HK1: variants seen among roughly 807,000 people sequenced by gnomAD.
HK1 encodes hexokinase 1.
Under a neutral mutation model 91.6 loss-of-function variants are expected in HK1, and 28 were observed. The ratio of observed to expected loss-of-function variants is 0.31; its 90% CI spans 0.23 to 0.42. HK1 has a LOEUF of 0.42. HK1 is among the 10% of genes least tolerant of loss of function. The pLI is 1.00. For synonymous variants in HK1, 430 were observed against 468.1 expected (o/e 0.92, Z 1.05); for missense variants, 770 against 1,219.8 (o/e 0.63, Z 5.49).
chr10:69,293,998 A>G (rs1845425463), intron 3 of HK1, among the ~76,000 whole-genome samples: 1 of 150,744 alleles, frequency 6.6e-6, no homozygotes, highest in Non-Finnish European at 1.5e-5. Context: ...AGTAGCTGGG[A>G]CTACAGGCGC....
At chr10:69,342,889 G>A (rs1047990530) in intron 1 of HK1, among the ~76,000 whole-genome samples, 6 of 152,298 alleles carry the variant, frequency 3.9e-5, no homozygotes, top group South Asian at 4.1e-4. Flanking sequence ...GAATAAATGC[G>A]AAGATGCCAT....
intron 13 of HK1, among the ~76,000 whole-genome samples, chr10:69,387,270 TA>T (rs1554824543): frequency 6.6e-6 from 1 of 152,058 alleles, no homozygotes; most frequent in African/African-American, 2.4e-5. Context: ...TAAACTTTTT[TA>T]AAAAAAATTT....
chr10:69,318,930 G>T lies in HK1; in HGVS notation c.-18G>T. ...CGACCGTCCCCACGCCTGCCGCCCC[G>T]CGACCCCGACCGCCAGCATGATCGC... On this transcript the variant is annotated 5_prime_UTR_variant, in exon 1 of 18. Coordinates refer to ENST00000359426, the MANE Select transcript of HK1 (RefSeq NM_000188.3). The T allele has an allele frequency of 6.3e-7, 1 of 1,579,314 alleles. No homozygotes were observed. Among genetic ancestry groups the T allele is most frequent in the Non-Finnish European group, 8.6e-7 (1 of 1,164,608 alleles).
intron 2 of HK1, among the ~76,000 whole-genome samples, chr10:69,359,673 G>C (rs1849316153): frequency 1.3e-5 from 2 of 152,242 alleles, no homozygotes; most frequent in Admixed American, 1.3e-4. Flanking sequence ...ATTGCTTGAA[G>C]CTATTTCTGT....
Position 69,376,976 on chromosome 10 carries a change from TCGA to T in HK1, c.920_922del (p.Arg307del). 1 of 1,614,200 alleles carries T rather than the reference TCGA, an allele frequency of 6.2e-7. No homozygotes were observed. Among genetic ancestry groups the T allele is most frequent in the Non-Finnish European group, 8.5e-7 (1 of 1,180,038 alleles). On this transcript the variant is annotated inframe_deletion, in exon 8 of 18. Transcript: ENST00000359426. ...GTGGCATGTACTTGGGAGAGCTGGTTCGACTGATCCTAGTCAAGATGGCCAAGG... is the reference window on the plus strand; with the variant it reads ...GTGGCATGTACTTGGGAGAGCTGGTTCTGATCCTAGTCAAGATGGCCAAGG...
At chr10:69,381,668 C>T (rs1461596965) in intron 9 of HK1, among the ~76,000 whole-genome samples, 1 of 151,878 alleles carries the variant, frequency 6.6e-6, no homozygotes, top group African/African-American at 2.4e-5. Flanking sequence ...ATTCTCCTGC[C>T]TCAGCCTCCC....
intron 1 of HK1, among the ~76,000 whole-genome samples, chr10:69,320,094 C>T (rs1846922092): frequency 6.6e-6 from 1 of 152,150 alleles, no homozygotes; most frequent in Non-Finnish European, 1.5e-5. Flanking sequence ...CCATCCTCTT[C>T]CTGTGCATCT....
At chr10:69,366,911 T>C (rs1394737721) in intron 4 of HK1, among the ~76,000 whole-genome samples, 1 of 152,186 alleles carries the variant, frequency 6.6e-6, no homozygotes, top group Non-Finnish European at 1.5e-5. Context: ...ATTGACTGAG[T>C]GCCATCCCTG....
intron 2 of HK1, among the ~76,000 whole-genome samples, chr10:69,356,112 A>C (rs994418499): frequency 3.9e-5 from 6 of 152,184 alleles, no homozygotes; most frequent in African/African-American, 1.4e-4. Flanking sequence ...ACAAACAATA[A>C]AAGAAAAAAC....
exon 2 of HK1, chr10:69,282,544 A>G (rs1844801842): frequency 6.6e-6 from 1 of 152,194 alleles, no homozygotes; most frequent in African/African-American, 2.4e-5. Context: ...CAACTAACCA[A>G]CTAAAGAACT....
chr10:69,387,311 C>T (rs915396726), intron 13 of HK1, among the ~76,000 whole-genome samples: 6 of 151,992 alleles, frequency 3.9e-5, no homozygotes, highest in African/African-American at 1.5e-4. Flanking sequence ...TTTTTTGAGA[C>T]AGGGTCTTAC....
At chr10:69,396,098 C>A (rs889843171) in intron 16 of HK1, among the ~76,000 whole-genome samples, 2 of 151,744 alleles carry the variant, frequency 1.3e-5, no homozygotes, top group Admixed American at 1.3e-4. Context: ...ATGGCAAGAC[C>A]CCATTTCTAC....
intron 11 of HK1, 25 bp downstream of exon 11, chr10:69,384,506 T>C (rs775412859): frequency 1.2e-6 from 2 of 1,613,098 alleles, no homozygotes; most frequent in South Asian, 1.1e-5. Context: ...CCATAGTGCA[T>C]GTGCACTGCA....
chr10:69,331,106 C>G (rs1847691728), intron 1 of HK1, among the ~76,000 whole-genome samples: 1 of 152,164 alleles, frequency 6.6e-6, no homozygotes, highest in Admixed American at 6.5e-5. Flanking sequence ...TCTCGAACTC[C>G]TGGCCTCAAG....
At chr10:69,316,359 G>T (rs886536763), upstream of HK1, among the ~76,000 whole-genome samples, 2 of 152,238 alleles carry the variant, frequency 1.3e-5, no homozygotes, top group African/African-American at 2.4e-5. Context: ...GTGACCTGGT[G>T]CTCAGAATGA....
At chr10:69,381,957 G>GATACTCATGTA (rs1303855160) in intron 9 of HK1, among the ~76,000 whole-genome samples, 10 of 152,200 alleles carry the variant, frequency 6.6e-5, no homozygotes, top group Non-Finnish European at 1.3e-4. Flanking sequence ...TTTTGTATGT[G>GATACTCATGTA]ATACTCATGT....
intron 9 of HK1, among the ~76,000 whole-genome samples, chr10:69,381,441 C>A (rs902002042): frequency 6.6e-6 from 1 of 151,302 alleles, no homozygotes; most frequent in Non-Finnish European, 1.5e-5. Context: ...TTTGTAATTT[C>A]TTGGCTAATT....
chr10:69,317,782 G>GA (rs1846727013), upstream of HK1, among the ~76,000 whole-genome samples: 1 of 152,186 alleles, frequency 6.6e-6, no homozygotes, highest in Non-Finnish European at 1.5e-5. Flanking sequence ...TGTCTAACCA[G>GA]AATAGCAACA....
rs147858477 is a variant in HK1, at chr10:69,342,546, G to A, written c.64-1281G>A. On this transcript the variant is annotated intron_variant, in intron 1 of 17. Coordinates refer to ENST00000359426, the MANE Select transcript of HK1 (RefSeq NM_000188.3). ...TAGGAATGGTAGAGGTGGTTTGGCC[G>A]GAGTTCAGAGAGCACAGAGCCACAC... 9.6e-3 allele frequency among the ~76,000 whole-genome samples: 1,463 copies of A among 152,314 alleles called. 26 individuals are homozygous for A. Among genetic ancestry groups the A allele is most frequent in the African/African-American group, 0.033 (1,378 of 41,568 alleles).
Sources: allele counts gnomAD v4.1 joint callset (sites outside exome capture counted in the v4.1 genomes callset), GRCh38; gene constraint gnomAD v4.1.1; transcripts MANE v1.5; gene names NCBI Gene and HGNC (gene_info 2026-07-23, HGNC 2026-07-21).